CASC3: variants seen among roughly 807,000 people sequenced by gnomAD.
CASC3 encodes the protein protein CASC3.
In CASC3, 30 loss-of-function variants were observed where a neutral mutation model predicts 80.5. The observed-to-expected ratio is 0.37, with a 90% CI of 0.28 to 0.51. The LOEUF is 0.51. CASC3 is among the 20% of genes least tolerant of loss of function. The pLI, the probability that CASC3 is intolerant of heterozygous loss-of-function variation, is 0.94. For synonymous variants in CASC3, 312 were observed against 333.6 expected (o/e 0.94, Z 0.70); for missense variants, 824 against 922.2 (o/e 0.89, Z 1.38).
At chr17:40,150,863 C>T (rs1187595165) in intron 3 of CASC3, among the ~76,000 whole-genome samples, 2 of 151,880 alleles carry the variant, frequency 1.3e-5, no homozygotes, top group Non-Finnish European at 2.9e-5. Flanking sequence ...ATACAAAAAA[C>T]TTAGCCAGAT....
In CASC3 at chr17:40,164,044, C is replaced by T. The variant is rs781356070; in HGVS notation, c.1349C>T (p.Thr450Ile). 1 of 1,613,964 alleles carries T rather than the reference C, an allele frequency of 6.2e-7. No individual in the cohort carries two copies. Among genetic ancestry groups the T allele is most frequent in the South Asian group, 1.1e-5 (1 of 91,072 alleles). ...TTPTPPTKTG[T>I]WEAPVDSSTS... ...CCAACTCCACCTACTAAGACTGGGA[C>T]CTGGGAAGCTCCGGTGGATTCTAGT... Residue 450 changes from threonine to isoleucine, a missense_variant, in exon 7 of 14, where the codon ACC (threonine) becomes ATC (isoleucine). Transcript: ENST00000264645.
In CASC3 at chr17:40,171,401, T is replaced by C; in HGVS notation, c.*996T>C. On this transcript the variant is annotated 3_prime_UTR_variant, in exon 14 of 14. Coordinates refer to ENST00000264645, the MANE Select transcript of CASC3 (RefSeq NM_007359.5). ...TCCATTCTTCTTGCTACACCCCTTT[T>C]CCAGTTGCTGTGGACCAATGCATCT... 1 of 986,182 alleles carries C rather than the reference T, an allele frequency of 1.0e-6. No individual in the cohort carries two copies. The highest frequency in any genetic ancestry group is 4.7e-5 in the South Asian group (1 of 21,294). The allele number at this position is 986,182 out of a possible 1,614,324, so 61.1% of individuals were successfully genotyped here.
At position 40,163,557 on chromosome 17, in the gene CASC3, G is replaced by C. The variant is rs764512347; in HGVS notation, c.862G>C (p.Gly288Arg). ...LNKSHRHQGL[G>R]GTLPPRTFIN... ...CAAGTCTCATCGCCACCAGGGTCTT[G>C]GGGGCACCCTACCACCAAGGACATT... The change falls in exon 7 of 14, where the codon GGG (glycine) becomes CGG (arginine). Residue 288 changes from glycine (G) to arginine (R), a missense_variant. Physicochemically the swap from Gly to Arg is moderately radical, Grantham distance 125. Transcript: ENST00000264645. The C allele has an allele frequency of 8.1e-6, 13 of 1,613,938 alleles. No homozygotes were observed. The highest frequency in any genetic ancestry group is 1.1e-5 in the Non-Finnish European group (13 of 1,180,004).
In CASC3 at chr17:40,172,079, T is replaced by C. The variant is rs775784078; in HGVS notation, c.*1674T>C. 1.1e-5 allele frequency: 14 copies of C among 1,289,948 alleles called. No homozygotes were observed. Among genetic ancestry groups the C allele is most frequent in the South Asian group, 4.9e-5 (4 of 81,030 alleles). 79.9% of individuals were successfully genotyped at this position (1,289,948 alleles called of 1,614,324 possible). A position where few individuals can be genotyped will look rare whatever the true frequency, so the allele number is the denominator to read the frequency against. ...GTGTTTAGTTGCAAGGATTTTTCCA[T>C]GTGTGGTGGTGTTTTTTGTTACTGT... On this transcript the variant is annotated 3_prime_UTR_variant, in exon 14 of 14. Transcript: ENST00000264645.
At chr17:40,151,234 C>CA (rs1285841151) in intron 3 of CASC3, among the ~76,000 whole-genome samples, 1 of 151,984 alleles carries the variant, frequency 6.6e-6, no homozygotes, top group African/African-American at 2.4e-5. Flanking sequence ...GTTTTTGAGA[C>CA]AGAGTCTTGC....
At chr17:40,142,156 T>A (rs967481749) in intron 3 of CASC3, among the ~76,000 whole-genome samples, 17 of 152,176 alleles carry the variant, frequency 1.1e-4, no homozygotes, top group African/African-American at 4.1e-4. Flanking sequence ...GTAATGGGAT[T>A]ATATATAGGG....
In CASC3 at chr17:40,169,422, C is replaced by T; in HGVS notation, c.2064C>T (p.Val688=). The part of the protein sequence containing the change: ...PSPPRRTPQP[V]TIKPPPPEVV... Reference sequence around the variant, plus strand: ...CACCCCGGAGGACTCCCCAGCCAGTCACCATCAAGCCCCCTCCACCTGAGG... The same window carrying T: ...CACCCCGGAGGACTCCCCAGCCAGTTACCATCAAGCCCCCTCCACCTGAGG... The change falls in exon 12 of 14, where the codon GTC becomes GTT. Residue 688 remains valine (V), a synonymous_variant. Coordinates refer to ENST00000264645, the MANE Select transcript of CASC3 (RefSeq NM_007359.5). The T allele has an allele frequency of 6.2e-7, 1 of 1,611,468 alleles. No individual in the cohort carries two copies.
At chr17:40,158,878 A>C (rs1487391077) in intron 3 of CASC3, among the ~76,000 whole-genome samples, 2 of 152,290 alleles carry the variant, frequency 1.3e-5, no homozygotes, top group South Asian at 4.1e-4. Flanking sequence ...TAGGCATTAA[A>C]AAAAGCTACC....
At position 40,169,637 on chromosome 17, in the gene CASC3, A is replaced by G; in HGVS notation, c.*16A>G. 6.3e-7 allele frequency: 1 copy of G among 1,575,694 alleles called. No homozygotes were observed. Among genetic ancestry groups the G allele is most frequent in the Non-Finnish European group, 8.6e-7 (1 of 1,162,466 alleles). ...TTCCAGTTAATACAAGTTTCTGAAT[A>G]TTTTAAATCTTAACATCATATAAAA... On this transcript the variant is annotated 3_prime_UTR_variant, in exon 13 of 14. Transcript: ENST00000264645.
rs779421154 is a variant in CASC3, at chr17:40,162,052, T to G, written c.507T>G (p.His169Gln). Residue 169 changes from histidine to glutamine, a missense_variant, in exon 5 of 14, where the codon CAT (histidine) becomes CAG (glutamine). By Grantham distance (24) the His-to-Gln change is conservative. This residue lies in a region of CASC3 where 201 missense variants were observed against 294.1 expected (regional missense o/e 0.68). Transcript: ENST00000264645. ...AAGTGGGTAAAAAGGGCCCTAAGCA[T>G]TTGGATGATGATGAAGATCGGAAGA... ...ENKVGKKGPKHLDDDEDRKNP... is the reference protein window; with the variant it reads ...ENKVGKKGPKQLDDDEDRKNP... 12 of 1,613,934 alleles carry G rather than the reference T, an allele frequency of 7.4e-6. No homozygotes were observed. Among genetic ancestry groups the G allele is most frequent in the Non-Finnish European group, 1.0e-5 (12 of 1,179,984 alleles).
At position 40,166,885 on chromosome 17, in the gene CASC3, T is replaced by C. The variant is rs754100975; in HGVS notation, c.1536+24T>C. ...TGGTACAGAAGGGGAAAGGGGTAGATGGGGGAGGGAGCTGCCTGTTACACA... is the reference window on the plus strand; with the variant it reads ...TGGTACAGAAGGGGAAAGGGGTAGACGGGGGAGGGAGCTGCCTGTTACACA... On this transcript the variant is annotated intron_variant, in intron 8 of 13. Coordinates refer to ENST00000264645, the MANE Select transcript of CASC3 (RefSeq NM_007359.5). The C allele has an allele frequency of 3.8e-5, 59 of 1,570,958 alleles. 1 individual carries two copies. Among genetic ancestry groups the C allele is most frequent in the Non-Finnish European group, 7.8e-6 (9 of 1,149,112 alleles).
chr17:40,163,061 A>G (rs911044696), intron 6 of CASC3, among the ~76,000 whole-genome samples, 160 bp downstream of exon 6: 6 of 151,976 alleles, frequency 3.9e-5, no homozygotes, highest in Non-Finnish European at 8.8e-5. Context: ...TCTCCAAAAA[A>G]AAAAAGAAAA....
chr17:40,161,140 C>T (rs190828283), intron 3 of CASC3, among the ~76,000 whole-genome samples: 187 of 151,952 alleles, frequency 1.2e-3, no homozygotes, highest in Middle Eastern at 3.4e-3. Flanking sequence ...CCACCAAGTG[C>T]GGCTAATTCT....
rs147048896 is a variant in CASC3 at position 40,167,941 on chromosome 17, C to G, written c.1743C>G (p.Pro581=). The G allele has an allele frequency of 7.8e-4, 1,264 of 1,613,952 alleles. 3 individuals carry two copies. Among genetic ancestry groups the G allele is most frequent in the Non-Finnish European group, 1.0e-3 (1,202 of 1,179,892 alleles). The change falls in exon 10 of 14, where the codon CCC becomes CCG. Residue 581 remains proline (P), a synonymous_variant. Coordinates refer to ENST00000264645, the MANE Select transcript of CASC3 (RefSeq NM_007359.5). ...TTGTGCAGCCAGGAATGAACCTTCC[C>G]CACCCAGGTAAGCTTTGTGTCTCTG... ...GMLVQPGMNL[P]HPGLHPHQTP... is the part of the protein sequence containing the mutation.
intron 3 of CASC3, among the ~76,000 whole-genome samples, chr17:40,146,158 G>C (rs1384166358): frequency 6.6e-6 from 1 of 152,156 alleles, no homozygotes; most frequent in Non-Finnish European, 1.5e-5. Context: ...AGACAGAAAA[G>C]CTAGTTAAGA....
rs747113123 is a variant in CASC3 at position 40,167,404 on chromosome 17, T to C, written c.1537-94T>C. The C allele has an allele frequency of 8.8e-6, 7 of 793,342 alleles. No individual in the cohort carries two copies. In the East Asian group the frequency reaches 1.7e-4, roughly 20 times the overall value. 49.1% of individuals were successfully genotyped at this position (793,342 alleles called of 1,614,324 possible). A position where few individuals can be genotyped will look rare whatever the true frequency, so the allele number is the denominator to read the frequency against. On this transcript the variant is annotated intron_variant, in intron 8 of 13. Coordinates refer to ENST00000264645, the MANE Select transcript of CASC3 (RefSeq NM_007359.5). Reference sequence around the variant, plus strand: ...GCAAATATCCATTAAATACCTGCCATGTACCAAGTGTTTTTCAACACCTAA... The same window carrying C: ...GCAAATATCCATTAAATACCTGCCACGTACCAAGTGTTTTTCAACACCTAA...
At chr17:40,152,977 A>G (rs1348982395) in intron 3 of CASC3, among the ~76,000 whole-genome samples, 1 of 149,348 alleles carries the variant, frequency 6.7e-6, no homozygotes, top group African/African-American at 2.5e-5. Context: ...GGGTTTCACC[A>G]TGTTGCCCAG....
intron 7 of CASC3, among the ~76,000 whole-genome samples, chr17:40,165,037 C>T (rs1297821210): frequency 1.3e-5 from 2 of 151,442 alleles, no homozygotes; most frequent in African/African-American, 4.9e-5. Flanking sequence ...TCTCCTGCCT[C>T]AGCCTCCTGA....
chr17:40,160,801 C>G (rs1989277073), intron 3 of CASC3, among the ~76,000 whole-genome samples: 1 of 151,994 alleles, frequency 6.6e-6, no homozygotes, highest in South Asian at 2.1e-4. Context: ...GAACTCCTGA[C>G]CTCAAGTGAT....
Sources: gnomAD v4.1 joint callset for allele counts (sites outside exome capture counted in the v4.1 genomes callset) on GRCh38, gnomAD v4.1.1 for gene constraint, gnomAD v4.1.1 regional missense constraint, MANE v1.5 for transcripts, NCBI Gene and HGNC (gene_info 2026-07-23, HGNC 2026-07-21) for gene names.